FRMD7: variants seen among roughly 807,000 people sequenced by gnomAD.
The protein encoded by FRMD7 is FERM domain containing 7.
FRMD7 carries 14 observed loss-of-function variants against 44.1 expected under a neutral mutation model. The ratio of observed to expected loss-of-function variants is 0.32; its 90% CI spans 0.21 to 0.50. The LOEUF (loss-of-function observed/expected upper bound fraction) is 0.50, where lower values mean the gene tolerates loss of function less well. FRMD7 is among the 20% of genes least tolerant of loss of function. FRMD7 has a pLI of 0.99. For missense variants in FRMD7, 501 were observed against 522.3 expected, an observed-to-expected ratio of 0.96 and a Z score of 0.40; for synonymous variants, 212 against 187.4, an observed-to-expected ratio of 1.13 and a Z score of -1.07.
chrX:132,080,160 A>G (rs759421278), intron 10 of FRMD7, 38 bp downstream of exon 10: 8 of 1,152,311 alleles, frequency 6.9e-6, no homozygotes, highest in Non-Finnish European at 4.7e-6. Context: ...CAAATTCAAC[A>G]TAAAATCAAC....
chrX:132,102,813 C>T (rs1928538844), intron 1 of FRMD7, among the ~76,000 whole-genome samples: 1 of 111,621 alleles, frequency 9.0e-6, no homozygotes, highest in Admixed American at 9.5e-5. Context: ...TATTTTCCAT[C>T]AGGGCACTTA....
At position 132,082,370 on chromosome X, in the gene FRMD7, G is replaced by A. The variant is rs139411571; in HGVS notation, c.898C>T (p.Arg300Cys). 2.1e-4 allele frequency: 257 copies of A among 1,207,805 alleles called. No individual in the cohort carries two copies. In the African/African-American group the frequency reaches 3.7e-3, roughly 17 times the overall value. The part of the protein sequence containing the change: ...TLLCSKGSSF[R>C]YSGRTQRQLL... ...TGTGCATTGTTTAATTACCTATAGC[G>A]GAAACTGGAACCCTTGCTGCAGAGT... Residue 300 changes from arginine (R) to cysteine (C), a missense_variant, in exon 9 of 12, where the codon CGC becomes TGC. By Grantham distance (180) the Arg-to-Cys change is radical (BLOSUM62 -3). Around this residue, in one of 3 missense-constraint regions of FRMD7, gnomAD observed 453 missense variants for 452.7 expected, o/e 1.00. Transcript: ENST00000298542.
chrX:132,112,413 C>T (rs1928799991), intron 1 of FRMD7, among the ~76,000 whole-genome samples: 1 of 111,258 alleles, frequency 9.0e-6, no homozygotes, highest in Admixed American at 9.6e-5. Flanking sequence ...AACCAAGGCC[C>T]TTTCCCTAGA....
intron 5 of FRMD7, among the ~76,000 whole-genome samples, chrX:132,087,722 C>A (rs1021370330): frequency 9.0e-6 from 1 of 111,156 alleles, no homozygotes; most frequent in South Asian, 3.7e-4. Context: ...TACCCTGATA[C>A]CAAAACGGGA....
At chrX:132,108,106 G>A (rs1928690731) in intron 1 of FRMD7, among the ~76,000 whole-genome samples, 1 of 111,831 alleles carries the variant, frequency 8.9e-6, no homozygotes, top group Non-Finnish European at 1.9e-5. Context: ...TAATCTCTCT[G>A]AGCCTCAGTT....
intron 1 of FRMD7, among the ~76,000 whole-genome samples, chrX:132,112,869 T>C (rs1337140264): frequency 1.8e-5 from 2 of 111,667 alleles, no homozygotes; most frequent in Non-Finnish European, 3.8e-5. Context: ...TTATATATAA[T>C]TGCCTGAGGC....
rs1929191798 is a variant in FRMD7, at chrX:132,127,807, T to A, written c.38A>T (p.Gln13Leu). 3.3e-6 allele frequency: 4 copies of A among 1,208,607 alleles called. No individual in the cohort carries two copies. The South Asian group carries it at 7.0e-5, about 21-fold the overall frequency. ...ACTTACATCAACCACAAAAATCTTC[T>A]GGGAATCATCCAAAAACTGCACTTT... is the stretch of plus-strand genomic sequence containing the variant. ...HLKVQFLDDS[Q>L]KIFVVDQKSS... is the part of the protein sequence containing the mutation. Residue 13 changes from glutamine (Q) to leucine (L), a missense_variant, in exon 1 of 12, where the codon CAG becomes CTG. Gln to Leu is a moderately radical substitution (Grantham distance 113). Around this residue, in one of 3 missense-constraint regions of FRMD7, gnomAD observed 24 missense variants for 21.6 expected, o/e 1.11. Coordinates refer to ENST00000298542, the MANE Select transcript of FRMD7 (RefSeq NM_194277.3).
chrX:132,107,658 T>C (rs1253960605), intron 1 of FRMD7, among the ~76,000 whole-genome samples: 1 of 97,299 alleles, frequency 1.0e-5, no homozygotes, highest in Non-Finnish European at 2.1e-5. Flanking sequence ...CCTCTTCTTA[T>C]AAAGCTAACA....
chrX:132,117,783 C>T (rs1028866177), intron 1 of FRMD7, among the ~76,000 whole-genome samples: 18 of 111,745 alleles, frequency 1.6e-4, no homozygotes, highest in Admixed American at 9.5e-5. Flanking sequence ...TATGAAACTA[C>T]CTTGTTGGAC....
At chrX:132,082,612 C>T (rs1927855480) in intron 8 of FRMD7, 86 bp from the exon 9 acceptor site, 16 of 874,074 alleles carry the variant, frequency 1.8e-5, no homozygotes, top group Middle Eastern at 3.0e-4. Context: ...ACTATTGCTC[C>T]GTTGGCCCAT....
rs1929192361 is a variant in FRMD7 at position 132,127,817 on chromosome X, C to T, written c.28G>A (p.Asp10Asn). The T allele has an allele frequency of 8.3e-7, 1 of 1,207,587 alleles. No individual in the cohort carries two copies. The highest frequency in any genetic ancestry group is 1.8e-5 in the African/African-American group (1 of 57,108). The change falls in exon 1 of 12, where the codon GAT (aspartate) becomes AAT (asparagine). Residue 10 changes from aspartate to asparagine, a missense_variant. Coordinates refer to ENST00000298542, the MANE Select transcript of FRMD7 (RefSeq NM_194277.3). The stretch of plus-strand genomic sequence containing the variant: ...ACCACAAAAATCTTCTGGGAATCAT[C>T]CAAAAACTGCACTTTTAAATGTAGC... Reference protein sequence around the residue: MLHLKVQFLDDSQKIFVVDQ... With the variant: MLHLKVQFLNDSQKIFVVDQ...
At chrX:132,118,771 C>A (rs747139458) in intron 1 of FRMD7, among the ~76,000 whole-genome samples, 22 of 111,343 alleles carry the variant, frequency 2.0e-4, no homozygotes, top group Non-Finnish European at 3.8e-5. Flanking sequence ...CCTCTGCCCT[C>A]AAGTTTAAGA....
intron 1 of FRMD7, among the ~76,000 whole-genome samples, chrX:132,104,866 TCTA>T (rs756642457): frequency 3.6e-5 from 4 of 112,335 alleles, no homozygotes; most frequent in African/African-American, 9.7e-5. Context: ...TTTGACAAGC[TCTA>T]CTTATTATTA....
At chrX:132,088,513 G>A (rs948951502) in intron 5 of FRMD7, among the ~76,000 whole-genome samples, 2 of 107,656 alleles carry the variant, frequency 1.9e-5, no homozygotes, top group Non-Finnish European at 3.8e-5. Flanking sequence ...AGCCATGGCC[G>A]TGCCACTGCA....
Position 132,082,456 on chromosome X carries a change from C to T in FRMD7, c.812G>A (p.Cys271Tyr), listed in dbSNP as rs387906721. The change falls in exon 9 of 12, where the codon TGT (cysteine) becomes TAT (tyrosine). Residue 271 changes from cysteine (C) to tyrosine (Y), a missense_variant. Coordinates refer to ENST00000298542, the MANE Select transcript of FRMD7 (RefSeq NM_194277.3). Reference protein sequence around the residue: ...RDACKAFWKTCVEYHAFFRLS... With the variant: ...RDACKAFWKTYVEYHAFFRLS... Reference sequence around the variant, plus strand: ...CCTGAAGAAAGCATGGTATTCCACACAAGTCTTCCAGAAAGCCTTGCAGGC... The same window carrying T: ...CCTGAAGAAAGCATGGTATTCCACATAAGTCTTCCAGAAAGCCTTGCAGGC... 8.3e-7 allele frequency: 1 copy of T among 1,210,075 alleles called. No homozygotes were observed. Among genetic ancestry groups the T allele is most frequent in the Non-Finnish European group, 1.1e-6 (1 of 893,690 alleles).
chrX:132,085,544 A>G (rs1351987778), intron 7 of FRMD7, 37 bp downstream of exon 7: 2 of 1,196,250 alleles, frequency 1.7e-6, no homozygotes, highest in South Asian at 1.8e-5. Flanking sequence ...ACCACCCCTC[A>G]CTAAAGCTGA....
At chrX:132,098,221 T>C (rs151337624) in intron 3 of FRMD7, among the ~76,000 whole-genome samples, 1,277 of 112,439 alleles carry the variant, frequency 0.011, 13 homozygotes, top group Non-Finnish European at 0.018. Context: ...AAGAAAATTA[T>C]TCTTTGTTTA....
chrX:132,115,795 C>T (rs1437764112), intron 1 of FRMD7, among the ~76,000 whole-genome samples: 1 of 111,542 alleles, frequency 9.0e-6, no homozygotes, highest in African/African-American at 3.3e-5. Context: ...TTAGGAGGCT[C>T]TAGTCCACAT....
intron 3 of FRMD7, among the ~76,000 whole-genome samples, chrX:132,097,725 G>A (rs780873582): frequency 1.2e-4 from 13 of 112,032 alleles, no homozygotes; most frequent in Admixed American, 1.9e-4. Flanking sequence ...CTCAACTTCA[G>A]CTGAGGCAGG....
Sources: allele counts gnomAD v4.1 joint callset (sites outside exome capture counted in the v4.1 genomes callset), GRCh38; gene constraint gnomAD v4.1.1; regional missense constraint gnomAD v4.1.1; transcripts MANE v1.5; gene names NCBI Gene and HGNC (gene_info 2026-07-23, HGNC 2026-07-21).